FYB1: variants seen among roughly 807,000 people sequenced by gnomAD.
FYB1 encodes the protein FYN-binding protein 1.
Under a neutral mutation model 94.1 loss-of-function variants are expected in FYB1, and 41 were observed. The observed-to-expected ratio is 0.44, with a 90% CI of 0.34 to 0.57. FYB1 has a LOEUF of 0.57. Among genes scored for constraint, FYB1 ranks in the 20% least tolerant of loss-of-function variants. The pLI, the probability that FYB1 is intolerant of heterozygous loss-of-function variation, is 0.02. For synonymous variants in FYB1, 367 were observed against 353.2 expected (o/e 1.04, Z -0.44); for missense variants, 1,050 against 976.8 (o/e 1.07, Z -1.00).
chr5:39,251,598 T>C (rs999724020), intron 1 of FYB1, among the ~76,000 whole-genome samples: 2 of 152,112 alleles, frequency 1.3e-5, no homozygotes, highest in South Asian at 2.1e-4. Context: ...ACCCTATACA[T>C]AGGAATGCTA....
chr5:39,209,159 T>G (rs1348211821), intron 1 of FYB1, among the ~76,000 whole-genome samples: 1 of 152,012 alleles, frequency 6.6e-6, no homozygotes, highest in Non-Finnish European at 1.5e-5. Flanking sequence ...ATAAAACTCT[T>G]TACTATTAGA....
chr5:39,192,718 A>G (rs1430061483), intron 2 of FYB1, among the ~76,000 whole-genome samples: 3 of 152,258 alleles, frequency 2.0e-5, no homozygotes, highest in Non-Finnish European at 4.4e-5. Context: ...TCTTCCCTGT[A>G]AACTAAATGA....
At chr5:39,143,596 T>C (rs1295189124) in intron 3 of FYB1, among the ~76,000 whole-genome samples, 6 of 152,164 alleles carry the variant, frequency 3.9e-5, no homozygotes. Flanking sequence ...TCATGTCCCA[T>C]AGTCAAACTC....
chr5:39,119,382 G>T (rs1739871157), intron 15 of FYB1, among the ~76,000 whole-genome samples, 153 bp downstream of exon 15: 1 of 151,860 alleles, frequency 6.6e-6, no homozygotes, highest in East Asian at 1.9e-4. Flanking sequence ...GAGTTATAAC[G>T]GCTAACTGTA....
intron 2 of FYB1, among the ~76,000 whole-genome samples, chr5:39,176,126 ATTTTTTTTCTGTTTT>A (rs1241783823): frequency 3.2e-5 from 3 of 94,774 alleles, no homozygotes; most frequent in Non-Finnish European, 6.6e-5. Context: ...ATCCCAAGTC[ATTTTTTTTCTGTTTT>A]TTTTTTTTTT....
intron 2 of FYB1, among the ~76,000 whole-genome samples, chr5:39,171,953 A>C (rs1745285328): frequency 6.6e-6 from 1 of 152,194 alleles, no homozygotes; most frequent in South Asian, 2.1e-4. Context: ...GCAGGGGTGA[A>C]GGATGGTAAA....
At chr5:39,243,572 C>A (rs1286928322) in intron 1 of FYB1, among the ~76,000 whole-genome samples, 1 of 152,006 alleles carries the variant, frequency 6.6e-6, no homozygotes, top group African/African-American at 2.4e-5. Flanking sequence ...AGTCAGGTGG[C>A]GTGATGCCTC....
chr5:39,215,605 C>G (rs774669117), intron 1 of FYB1, among the ~76,000 whole-genome samples: 1 of 152,086 alleles, frequency 6.6e-6, no homozygotes, highest in Non-Finnish European at 1.5e-5. Context: ...CAGAAGCAAA[C>G]ATTATTAAAA....
intron 1 of FYB1, among the ~76,000 whole-genome samples, chr5:39,207,954 T>C (rs948403083): frequency 6.6e-6 from 1 of 152,182 alleles, no homozygotes; most frequent in Non-Finnish European, 1.5e-5. Context: ...AGTGCCAAGA[T>C]TGAGAAACCC....
chr5:39,227,795 T>C (rs1364536781), intron 1 of FYB1, among the ~76,000 whole-genome samples: 1 of 152,188 alleles, frequency 6.6e-6, no homozygotes, highest in Non-Finnish European at 1.5e-5. Context: ...TTTCAACTCC[T>C]TAATAACACG....
intron 7 of FYB1, 82 bp from the exon 8 acceptor site, chr5:39,135,096 G>A: frequency 6.9e-7 from 1 of 1,449,216 alleles, no homozygotes; most frequent in South Asian, 1.3e-5. Context: ...AAAGATATAA[G>A]TCTACAACTT....
intron 1 of FYB1, among the ~76,000 whole-genome samples, chr5:39,226,845 T>C (rs1661868): frequency 0.14 from 21,134 of 152,202 alleles, 3,850 homozygotes; most frequent in African/African-American, 0.4. Flanking sequence ...CATTTATCAT[T>C]CTTAGAGTTT....
chr5:39,231,893 G>T (rs1187293407), intron 1 of FYB1, among the ~76,000 whole-genome samples: 1 of 152,000 alleles, frequency 6.6e-6, no homozygotes, highest in Non-Finnish European at 1.5e-5. Flanking sequence ...GCCTTTGAAG[G>T]GGTTTCTAGG....
chr5:39,172,925 T>TAA (rs1745386255), intron 2 of FYB1, among the ~76,000 whole-genome samples: 1 of 152,224 alleles, frequency 6.6e-6, no homozygotes, highest in African/African-American at 2.4e-5. Context: ...TGCATGTGTC[T>TAA]TTTAGACAGA....
At chr5:39,120,899 C>T (rs74341299) in intron 14 of FYB1, among the ~76,000 whole-genome samples, 1,650 of 152,062 alleles carry the variant, frequency 0.011, 16 homozygotes, top group African/African-American at 0.02. Flanking sequence ...GGAATTACTG[C>T]CCCAGATTAA....
intron 2 of FYB1, among the ~76,000 whole-genome samples, chr5:39,190,005 A>T (rs550496117): frequency 7.0e-4 from 106 of 152,384 alleles, no homozygotes; most frequent in African/African-American, 2.4e-3. Context: ...TGCAGAGAGC[A>T]TCAGATTTTT....
upstream of FYB1, among the ~76,000 whole-genome samples, chr5:39,221,234 G>A (rs1323659459): frequency 6.6e-6 from 1 of 152,064 alleles, no homozygotes; most frequent in African/African-American, 2.4e-5. Context: ...GATGCTGTGG[G>A]GGCCTGAGCT....
chr5:39,140,878 A>G (rs1441771971), intron 4 of FYB1, among the ~76,000 whole-genome samples: 1 of 152,256 alleles, frequency 6.6e-6, no homozygotes, highest in Non-Finnish European at 1.5e-5. Flanking sequence ...GCAAACACAC[A>G]TACACATTAA....
At chr5:39,130,973 T>C (rs1007362257) in intron 9 of FYB1, among the ~76,000 whole-genome samples, 2 of 152,190 alleles carry the variant, frequency 1.3e-5, no homozygotes, top group Non-Finnish European at 2.9e-5. Context: ...TATTATTCCA[T>C]AAGTCACATA....
Sources: allele counts gnomAD v4.1 joint callset (sites outside exome capture counted in the v4.1 genomes callset), GRCh38; gene constraint gnomAD v4.1.1; transcripts MANE v1.5; gene names NCBI Gene and HGNC (gene_info 2026-07-23, HGNC 2026-07-21).